The following TRIOBP variants were observed in gnomAD, a reference collection of about 807,000 sequenced individuals.
TRIOBP encodes the protein TRIO and F-actin-binding protein.
In TRIOBP, 169 loss-of-function variants were observed where a neutral mutation model predicts 238.8. The ratio of observed to expected loss-of-function variants is 0.71; its 90% CI spans 0.62 to 0.80. The LOEUF is 0.80. Among genes scored for constraint, TRIOBP ranks in the 30% least tolerant of loss-of-function variants. The pLI is 0.00. For synonymous variants in TRIOBP, 1,150 were observed against 1,274.4 expected (o/e 0.90, Z 2.08); for missense variants, 2,838 against 3,122.6 (o/e 0.91, Z 2.17).
intron 4 of TRIOBP, among the ~76,000 whole-genome samples, 199 bp downstream of exon 4, chr22:37,710,765 C>T (rs1018257718): frequency 1.3e-5 from 2 of 152,186 alleles, no homozygotes; most frequent in African/African-American, 4.8e-5. Flanking sequence ...ATCACACCAC[C>T]CTGTTTGCAC....
chr22:37,725,332 C>T lies in TRIOBP; in HGVS notation c.2776C>T (p.Arg926Cys), dbSNP rs370029074. The change falls in exon 7 of 24, where the codon CGC (arginine) becomes TGC (cysteine). Residue 926 changes from arginine (R) to cysteine (C), a missense_variant. Arg to Cys is a radical substitution (Grantham distance 180). Transcript: ENST00000644935. ...TGGTCCCCGAACCTCTTCCCCATCT[C>T]GCTCCAAGCAAAGCGAGGTTCCCTG... The part of the protein sequence containing the change: ...SDGPRTSSPS[R>C]SKQSEVPWAS... 7.3e-5 allele frequency: 117 copies of T among 1,613,676 alleles called. No homozygotes were observed. Among genetic ancestry groups the T allele is most frequent in the Middle Eastern group, 1.6e-4 (1 of 6,084 alleles).
rs771542832 is a variant in TRIOBP at position 37,732,316 on chromosome 22, C to T, written c.3948-982C>T. ...AGTTAGAGATGATCTTCATCGGATG[C>T]GTCAACAATGCCTGAAGCCCAGTGT... On this transcript the variant is annotated intron_variant, in intron 7 of 23. Transcript: ENST00000644935. 1.1e-4 allele frequency among the ~76,000 whole-genome samples: 17 copies of T among 152,094 alleles called. 1 individual carries two copies. Among genetic ancestry groups the T allele is most frequent in the Non-Finnish European group, 2.1e-4 (14 of 68,020 alleles).
intron 16 of TRIOBP, 30 bp from the exon 17 acceptor site, chr22:37,759,124 G>A (rs1288658492): frequency 1.0e-5 from 16 of 1,576,996 alleles, no homozygotes; most frequent in Non-Finnish European, 1.4e-5. Context: ...CCAGCTTCCA[G>A]GTCCCACTGA....
At chr22:37,702,430 C>G (rs1395441329) in intron 3 of TRIOBP, among the ~76,000 whole-genome samples, 1 of 151,996 alleles carries the variant, frequency 6.6e-6, no homozygotes, top group African/African-American at 2.4e-5. Context: ...TCTTAAACTC[C>G]TGACCTCAGG....
chr22:37,749,956 C>T (rs1158007430), intron 11 of TRIOBP, among the ~76,000 whole-genome samples: 1 of 152,030 alleles, frequency 6.6e-6, no homozygotes, highest in Non-Finnish European at 1.5e-5. Context: ...CCTGTCTCAA[C>T]AAAACAAAAC....
chr22:37,758,899 A>G (rs974365334), intron 16 of TRIOBP, among the ~76,000 whole-genome samples: 2 of 152,000 alleles, frequency 1.3e-5, no homozygotes, highest in African/African-American at 4.8e-5. Flanking sequence ...TCCTTTTCCT[A>G]TCCCTGTCTA....
intron 7 of TRIOBP, among the ~76,000 whole-genome samples, chr22:37,732,221 G>A (rs981122297): frequency 3.3e-5 from 5 of 152,106 alleles, no homozygotes; most frequent in Admixed American, 6.5e-5. Context: ...GAGATACCAC[G>A]TTAATCATTA....
intron 11 of TRIOBP, among the ~76,000 whole-genome samples, chr22:37,744,906 C>T (rs1485662707): frequency 6.6e-6 from 1 of 151,970 alleles, no homozygotes. Flanking sequence ...CGCTCCGTCT[C>T]CCAAGGTGGA....
At chr22:37,703,769 T>C (rs1317874374) in intron 3 of TRIOBP, among the ~76,000 whole-genome samples, 1 of 151,994 alleles carries the variant, frequency 6.6e-6, no homozygotes, top group Non-Finnish European at 1.5e-5. Context: ...CCTCCCAAAG[T>C]GCTGGGATTA....
chr22:37,768,291 A>G, intron 19 of TRIOBP, 115 bp downstream of exon 19: 1 of 845,760 alleles, frequency 1.2e-6, no homozygotes, highest in Non-Finnish European at 2.0e-6. Flanking sequence ...TTCCTGCTCC[A>G]GTCTCATGGA....
chr22:37,761,069 G>T (rs1926220519), intron 17 of TRIOBP, among the ~76,000 whole-genome samples: 1 of 152,174 alleles, frequency 6.6e-6, no homozygotes, highest in Non-Finnish European at 1.5e-5. Context: ...CACGTCATGA[G>T]GGGGCTCTCA....
rs551437865 is a variant in TRIOBP at position 37,730,701 on chromosome 22, G to A, written c.3948-2597G>A. On this transcript the variant is annotated intron_variant, in intron 7 of 23. Coordinates refer to ENST00000644935, the MANE Select transcript of TRIOBP (RefSeq NM_001039141.3). ...TCATGCTTGTAATGCCAAGACTTTG[G>A]GAGGTCAAGGCAGGTGGATTACCTG... Among the ~76,000 whole-genome samples the A allele has an allele frequency of 5.9e-5, 9 of 152,164 alleles. No individual in the cohort carries two copies. The South Asian group carries it at 1.9e-3, about 32-fold the overall frequency.
Position 37,754,103 on chromosome 22 carries a change from C to T in TRIOBP, c.5380-774C>T, listed in dbSNP as rs531300797. On this transcript the variant is annotated intron_variant, in intron 12 of 23. Transcript: ENST00000644935. ...CCTGCTGCGGATGTGGGTAGCCAGCCTACAGTTCAAGAAGCAGACCGTGCA... is the reference window on the plus strand; with the variant it reads ...CCTGCTGCGGATGTGGGTAGCCAGCTTACAGTTCAAGAAGCAGACCGTGCA... Among the ~76,000 whole-genome samples the T allele has an allele frequency of 2.0e-5, 3 of 152,268 alleles. No homozygotes were observed. In the South Asian group the frequency reaches 6.2e-4, roughly 32 times the overall value.
chr22:37,712,511 T>G (rs996923939), intron 4 of TRIOBP, among the ~76,000 whole-genome samples: 2 of 152,018 alleles, frequency 1.3e-5, no homozygotes, highest in Non-Finnish European at 2.9e-5. Flanking sequence ...ATTTTTTTAT[T>G]TTTAGTAGAG....
intron 6 of TRIOBP, among the ~76,000 whole-genome samples, chr22:37,718,103 CG>C (rs1467540579): frequency 1.3e-5 from 2 of 152,186 alleles, no homozygotes; most frequent in African/African-American, 4.8e-5. Context: ...CCTCATTGCC[CG>C]GGGCCGGCAG....
At chr22:37,719,999 CCTTTTT>C (rs1569038664) in intron 6 of TRIOBP, among the ~76,000 whole-genome samples, 857 of 33,560 alleles carry the variant, frequency 0.026, 14 homozygotes, top group Middle Eastern at 0.1. Context: ...CCCCCCCCGC[CCTTTTT>C]TTTTTTTTTT....
chr22:37,721,243 C>G (rs574862181), intron 6 of TRIOBP, among the ~76,000 whole-genome samples: 1 of 152,006 alleles, frequency 6.6e-6, no homozygotes, highest in East Asian at 2.0e-4. Context: ...GAACTCCTGA[C>G]CTCAGATGAT....
chr22:37,771,236 C>T (rs1926758794), intron 21 of TRIOBP, among the ~76,000 whole-genome samples: 1 of 152,216 alleles, frequency 6.6e-6, no homozygotes, highest in Non-Finnish European at 1.5e-5. Context: ...CTCCCCAGTC[C>T]TGGCTGAACT....
At chr22:37,759,870 A>T (rs1477780578) in intron 17 of TRIOBP, 1 of 649,342 alleles carries the variant, frequency 1.5e-6, no homozygotes, top group Non-Finnish European at 2.1e-6. Context: ...GTGTGTACAC[A>T]TATATAAGTT....
Sources: allele counts gnomAD v4.1 joint callset (sites outside exome capture counted in the v4.1 genomes callset), GRCh38; gene constraint gnomAD v4.1.1; transcripts MANE v1.5; gene names NCBI Gene and HGNC (gene_info 2026-07-23, HGNC 2026-07-21).